The following CALD1 variants were observed in gnomAD, a reference collection of about 807,000 sequenced individuals.
CALD1 encodes the protein caldesmon 1.
In CALD1, 33 loss-of-function variants were observed where a neutral mutation model predicts 99.9. The ratio of observed to expected loss-of-function variants is 0.33; its 90% CI spans 0.25 to 0.44. CALD1 has a LOEUF of 0.44. Ranked by LOEUF, CALD1 falls within the 20% of genes least tolerant of loss-of-function variation. The probability of loss-of-function intolerance (pLI) is 1.00; values close to 1 mark genes in which losing one functional copy is unlikely to be tolerated. For synonymous variants in CALD1, 310 were observed against 325.0 expected (o/e 0.95, Z 0.50); for missense variants, 861 against 962.1 (o/e 0.89, Z 1.39).
intron 1 of CALD1, among the ~76,000 whole-genome samples, chr7:134,794,179 T>C (rs1326349740): frequency 6.6e-6 from 1 of 152,178 alleles, no homozygotes. Context: ...CTGAGTGGAC[T>C]GTTCACCCCT....
chr7:134,726,547 C>T, the CALD1 span, among the ~76,000 whole-genome samples: 3 of 145,828 alleles, frequency 2.1e-5, no homozygotes, highest in Admixed American at 6.9e-5. Flanking sequence ...GATCAGGACA[C>T]GGATGCTGCC....
intron 1 of CALD1, among the ~76,000 whole-genome samples, chr7:134,831,300 T>A (rs969761073): frequency 1.3e-5 from 2 of 152,120 alleles, no homozygotes; most frequent in Admixed American, 1.3e-4. Context: ...AAAAGAGACT[T>A]TAGAATTATT....
At chr7:134,891,383 T>C (rs900745482) in intron 3 of CALD1, 7 of 1,255,930 alleles carry the variant, frequency 5.6e-6, no homozygotes, top group East Asian at 3.0e-5. Flanking sequence ...AGCTCTCTGA[T>C]GATCCTGTGA....
intron 1 of CALD1, among the ~76,000 whole-genome samples, chr7:134,780,125 C>T (rs1333126902): frequency 6.6e-6 from 1 of 152,198 alleles, no homozygotes; most frequent in East Asian, 1.9e-4. Flanking sequence ...GTCTCTTCTG[C>T]ATCTTTTATT....
At chr7:134,967,669 C>T in intron 14 of CALD1, among the ~76,000 whole-genome samples, 1 of 152,164 alleles carries the variant, frequency 6.6e-6, no homozygotes, top group African/African-American at 2.4e-5. Flanking sequence ...TGTGCCTGTT[C>T]TGGAATACAC....
At chr7:134,819,585 TAACTATCTTTACAACC>T (rs1798691585) in intron 1 of CALD1, among the ~76,000 whole-genome samples, 1 of 152,216 alleles carries the variant, frequency 6.6e-6, no homozygotes, top group African/African-American at 2.4e-5. Flanking sequence ...ATAAAGTGTT[TAACTATCTTTACAACC>T]TCAACCCAGT....
chr7:134,887,715 T>C (rs530745849), intron 3 of CALD1, among the ~76,000 whole-genome samples: 3 of 150,722 alleles, frequency 2.0e-5, no homozygotes, highest in African/African-American at 4.9e-5. Flanking sequence ...TGCATATGCA[T>C]GCATGCGTAT....
intron 4 of CALD1, 108 bp downstream of exon 4, chr7:134,929,008 T>A: frequency 1.0e-6 from 1 of 954,106 alleles, no homozygotes; most frequent in Non-Finnish European, 1.6e-6. Context: ...CAACCCTTTT[T>A]CAATCTAACT....
chr7:134,914,894 T>C (rs904542302), intron 3 of CALD1, among the ~76,000 whole-genome samples: 3 of 152,260 alleles, frequency 2.0e-5, no homozygotes, highest in African/African-American at 4.8e-5. Context: ...CTACCTATTA[T>C]CACATCCTTA....
At chr7:134,775,483 G>A (rs758606640), upstream of CALD1, among the ~76,000 whole-genome samples, 16 of 152,272 alleles carry the variant, frequency 1.1e-4, no homozygotes, top group Middle Eastern at 0.01. Context: ...AGGCCGAGGC[G>A]GGTGGATCAA....
chr7:134,924,956 C>T (rs1804889272), intron 3 of CALD1, among the ~76,000 whole-genome samples: 1 of 152,166 alleles, frequency 6.6e-6, no homozygotes, highest in Non-Finnish European at 1.5e-5. Flanking sequence ...CCTTGCTTCC[C>T]CTTCACCTTC....
chr7:134,816,685 G>A (rs561502334), intron 1 of CALD1, among the ~76,000 whole-genome samples: 3 of 152,162 alleles, frequency 2.0e-5, no homozygotes, highest in Non-Finnish European at 4.4e-5. Context: ...AGGCGAATGG[G>A]TAAAATGTAG....
the CALD1 span, among the ~76,000 whole-genome samples, chr7:134,722,893 C>G: frequency 6.6e-6 from 1 of 152,134 alleles, no homozygotes; most frequent in Non-Finnish European, 1.5e-5. Flanking sequence ...GAAAATGGGA[C>G]TCACAGTTAA....
intron 3 of CALD1, among the ~76,000 whole-genome samples, chr7:134,911,198 CTTTTTT>C (rs964515625): frequency 8.5e-6 from 1 of 118,116 alleles, no homozygotes; most frequent in Non-Finnish European, 1.8e-5. Context: ...TTTCCTTTTT[CTTTTTT>C]TTTTTTTTTT....
intron 1 of CALD1, among the ~76,000 whole-genome samples, chr7:134,812,432 C>T (rs749052958): frequency 1.3e-5 from 2 of 152,062 alleles, no homozygotes; most frequent in Non-Finnish European, 2.9e-5. Flanking sequence ...GTGCTGTTTC[C>T]AAGGACCACT....
chr7:134,827,050 T>C (rs893141459), intron 1 of CALD1, among the ~76,000 whole-genome samples: 3 of 152,226 alleles, frequency 2.0e-5, no homozygotes, highest in Non-Finnish European at 2.9e-5. Flanking sequence ...TCTTTAGCTC[T>C]TTGCCTTAAT....
intron 1 of CALD1, among the ~76,000 whole-genome samples, chr7:134,801,115 C>T (rs2131843294): frequency 6.6e-6 from 1 of 151,752 alleles, no homozygotes; most frequent in East Asian, 1.9e-4. Context: ...TTATTTTCTC[C>T]CTTCCTAGTG....
the CALD1 span, chr7:134,735,077 G>T: frequency 1.5e-5 from 3 of 199,854 alleles, no homozygotes; most frequent in Non-Finnish European, 3.1e-5. Context: ...AAATGGCAGA[G>T]AACCACTCCT....
chr7:134,804,906 A>G (rs1489711100), intron 1 of CALD1, among the ~76,000 whole-genome samples: 6 of 152,202 alleles, frequency 3.9e-5, no homozygotes, highest in African/African-American at 1.4e-4. Flanking sequence ...GCTGTAGGGG[A>G]GATCAAAGTT....
Sources: gnomAD v4.1 joint callset for allele counts (sites outside exome capture counted in the v4.1 genomes callset) on GRCh38, gnomAD v4.1.1 for gene constraint, MANE v1.5 for transcripts, NCBI Gene and HGNC (gene_info 2026-07-23, HGNC 2026-07-21) for gene names.